The following SNTG2 variants were observed in gnomAD, a reference collection of about 807,000 sequenced individuals.
The protein encoded by SNTG2 is gamma-2-syntrophin.
Under a neutral mutation model 70.9 loss-of-function variants are expected in SNTG2, and 74 were observed. The observed-to-expected ratio is 1.04, with a 90% CI of 0.86 to 1.27. The LOEUF is 1.27. SNTG2 is among the 50% of genes most tolerant of loss of function. The probability of loss-of-function intolerance (pLI) is 0.00; values close to 1 mark genes in which losing one functional copy is unlikely to be tolerated. For synonymous variants in SNTG2, 278 were observed against 273.8 expected (o/e 1.02, Z -0.15); for missense variants, 717 against 690.7 (o/e 1.04, Z -0.43).
chr2:1,162,988 G>A (rs1443109505), intron 6 of SNTG2, among the ~76,000 whole-genome samples: 1 of 152,228 alleles, frequency 6.6e-6, no homozygotes, highest in Non-Finnish European at 1.5e-5. Flanking sequence ...ACAGCCGGCA[G>A]AAGAGGCCTG....
intron 1 of SNTG2, among the ~76,000 whole-genome samples, chr2:970,055 A>C (rs1467983990): frequency 6.6e-6 from 1 of 152,126 alleles, no homozygotes; most frequent in Non-Finnish European, 1.5e-5. Context: ...TAGTTTGCGG[A>C]GGGCTTTTAA....
chr2:1,129,651 A>G (rs1572514312), intron 4 of SNTG2, among the ~76,000 whole-genome samples: 1 of 152,332 alleles, frequency 6.6e-6, no homozygotes, highest in African/African-American at 2.4e-5. Context: ...TAGCAATTGT[A>G]ATATGCATAT....
At chr2:1,034,053 C>CAG (rs35694048) in intron 1 of SNTG2, among the ~76,000 whole-genome samples, 126,058 of 151,964 alleles carry the variant, frequency 0.83, 53,431 homozygotes, top group African/African-American at 0.96. Flanking sequence ...ATTCATGTCA[C>CAG]GGGTTTGTTG....
At chr2:1,046,532 C>T (rs934723047) in intron 1 of SNTG2, among the ~76,000 whole-genome samples, 1 of 152,094 alleles carries the variant, frequency 6.6e-6, no homozygotes, top group Non-Finnish European at 1.5e-5. Flanking sequence ...TTTTAAGGAC[C>T]TCTTGTAAAG....
intron 1 of SNTG2, among the ~76,000 whole-genome samples, chr2:971,602 A>G (rs944863621): frequency 2.0e-5 from 3 of 151,460 alleles, no homozygotes; most frequent in South Asian, 2.1e-4. Context: ...TTAAAGAGCA[A>G]ATTTGTGGTT....
intron 16 of SNTG2, among the ~76,000 whole-genome samples, chr2:1,334,076 G>C (rs908649728): frequency 1.3e-5 from 2 of 152,072 alleles, no homozygotes; most frequent in African/African-American, 2.4e-5. Context: ...ACTCTGCAAG[G>C]AACTCAAACA....
intron 1 of SNTG2, among the ~76,000 whole-genome samples, chr2:1,026,535 A>G (rs1165253022): frequency 6.6e-6 from 1 of 152,184 alleles, no homozygotes; most frequent in African/African-American, 2.4e-5. Flanking sequence ...AGTGAGGGAG[A>G]TATCATTGTA....
chr2:1,247,521 G>A (rs1264338513), intron 12 of SNTG2, 78 bp downstream of exon 12: 34 of 992,264 alleles, frequency 3.4e-5, no homozygotes, highest in Middle Eastern at 2.1e-4. Flanking sequence ...GCTACATCTG[G>A]TGTTTGGAGG....
At chr2:1,188,080 G>A (rs1672354787) in intron 8 of SNTG2, among the ~76,000 whole-genome samples, 1 of 152,210 alleles carries the variant, frequency 6.6e-6, no homozygotes, top group Non-Finnish European at 1.5e-5. Context: ...CACCACTGTT[G>A]ACTGTGTCCA....
At chr2:1,043,673 C>G (rs949976704) in intron 1 of SNTG2, among the ~76,000 whole-genome samples, 1 of 152,128 alleles carries the variant, frequency 6.6e-6, no homozygotes, top group Non-Finnish European at 1.5e-5. Flanking sequence ...ATAGGAAGTT[C>G]TTTACCCATT....
chr2:1,365,069 C>T (rs1661405075), intron 16 of SNTG2, among the ~76,000 whole-genome samples: 2 of 137,528 alleles, frequency 1.5e-5, no homozygotes, highest in South Asian at 2.6e-4. Flanking sequence ...CCTTGTGTTT[C>T]TTCTAGAAAG....
chr2:1,260,970 G>A (rs1379404135), intron 13 of SNTG2, among the ~76,000 whole-genome samples: 1 of 152,028 alleles, frequency 6.6e-6, no homozygotes, highest in Admixed American at 6.6e-5. Flanking sequence ...AAGCTATAGA[G>A]CCATCTCATT....
chr2:1,152,381 G>C (rs1018717884), intron 6 of SNTG2, among the ~76,000 whole-genome samples: 2 of 152,252 alleles, frequency 1.3e-5, no homozygotes, highest in African/African-American at 4.8e-5. Context: ...ATGTACGTGT[G>C]AGGCCGTGTG....
intron 1 of SNTG2, among the ~76,000 whole-genome samples, chr2:1,077,685 G>A (rs140217239): frequency 1.9e-4 from 29 of 152,066 alleles, no homozygotes; most frequent in African/African-American, 5.1e-4. Flanking sequence ...ACACATCCCC[G>A]CACACAAACA....
chr2:1,251,088 C>G (rs1321901190), intron 12 of SNTG2, among the ~76,000 whole-genome samples: 1 of 152,196 alleles, frequency 6.6e-6, no homozygotes, highest in African/African-American at 2.4e-5. Context: ...TGTAAAGGGT[C>G]AGCGAGGACC....
intron 1 of SNTG2, among the ~76,000 whole-genome samples, chr2:1,033,187 G>A (rs7606830): frequency 0.76 from 116,016 of 152,110 alleles, 44,807 homozygotes; most frequent in Admixed American, 0.8. Context: ...CATGAGATTT[G>A]GAGGAAACAG....
intron 1 of SNTG2, among the ~76,000 whole-genome samples, chr2:983,427 C>T (rs1365941194): frequency 6.7e-6 from 1 of 148,920 alleles, no homozygotes; most frequent in African/African-American, 2.5e-5. Flanking sequence ...CAGGCTGCCC[C>T]ATCTATCATC....
At chr2:1,069,662 G>A (rs1241246160) in intron 1 of SNTG2, among the ~76,000 whole-genome samples, 2 of 151,968 alleles carry the variant, frequency 1.3e-5, no homozygotes, top group African/African-American at 2.4e-5. Flanking sequence ...AGGATGACAC[G>A]TGCCTGTAGT....
intron 16 of SNTG2, among the ~76,000 whole-genome samples, chr2:1,365,818 G>A (rs1661446725): frequency 6.6e-6 from 1 of 152,180 alleles, no homozygotes; most frequent in African/African-American, 2.4e-5. Flanking sequence ...CATGCTGTCA[G>A]GGAAGTTTGA....
Sources: gnomAD v4.1 joint callset for allele counts (sites outside exome capture counted in the v4.1 genomes callset) on GRCh38, gnomAD v4.1.1 for gene constraint, MANE v1.5 for transcripts, NCBI Gene and HGNC (gene_info 2026-07-23, HGNC 2026-07-21) for gene names.